Variants in DBF4B observed in about 807,000 individuals in gnomAD.
The protein encoded by DBF4B is DBF4B-CDC7 kinase regulatory subunit, also known as protein DBF4 homolog B.
In DBF4B, 49 loss-of-function variants were observed where a neutral mutation model predicts 53.4. That is an observed-to-expected ratio of 0.92 (90% CI 0.73 to 1.16). The LOEUF (loss-of-function observed/expected upper bound fraction) is 1.16, where lower values mean the gene tolerates loss of function less well. Ranked by LOEUF, DBF4B falls within the 50% of genes most tolerant of loss-of-function variation. DBF4B has a pLI of 0.00. For synonymous variants in DBF4B, 257 were observed against 288.7 expected (o/e 0.89, Z 1.11); for missense variants, 692 against 775.0 (o/e 0.89, Z 1.27).
At position 44,732,267 on chromosome 17, in the gene DBF4B, T is replaced by A. The variant is rs771479011; in HGVS notation, c.556+2T>A. 1.2e-6 allele frequency: 2 copies of A among 1,614,042 alleles called. No homozygotes were observed. The highest frequency in any genetic ancestry group is 1.1e-5 in the South Asian group (1 of 91,060). On this transcript the variant is annotated splice_donor_variant, in intron 6 of 13. Coordinates refer to ENST00000315005, the MANE Select transcript of DBF4B (RefSeq NM_145663.3). LOFTEE classifies it high-confidence loss of function. ...GAGTGAGGATTCTGCACGTGGATGG[T>A]ACCCTTTCTGTGCTGGGCTCCTGTG...
chr17:44,742,409 CA>C (rs1248602974), intron 10 of DBF4B, among the ~76,000 whole-genome samples: 1,062 of 52,096 alleles, frequency 0.02, 11 homozygotes, highest in African/African-American at 0.06. Context: ...GACTCCTTCT[CA>C]AAAAAAAAAA....
intron 1 of DBF4B, 117 bp from the exon 2 acceptor site, chr17:44,709,187 T>G: frequency 7.6e-7 from 1 of 1,324,378 alleles, no homozygotes. Flanking sequence ...GAGTTGAGTC[T>G]TGCTGTTCCC....
At chr17:44,714,509 T>C (rs1367751759) in intron 2 of DBF4B, among the ~76,000 whole-genome samples, 5 of 152,026 alleles carry the variant, frequency 3.3e-5, no homozygotes, top group African/African-American at 1.2e-4. Flanking sequence ...AAGTAAGAGG[T>C]ATCCTTCATT....
chr17:44,721,917 C>T (rs1224127133), intron 2 of DBF4B, among the ~76,000 whole-genome samples: 1 of 151,288 alleles, frequency 6.6e-6, no homozygotes, highest in East Asian at 1.9e-4. Context: ...AGCAGATCAC[C>T]TGAGGTCGGG....
rs755112550 is a variant in DBF4B, at chr17:44,731,014, A to G, written c.467A>G (p.Gln156Arg). 1.2e-5 allele frequency: 20 copies of G among 1,614,066 alleles called. No individual in the cohort carries two copies. In the Middle Eastern group the frequency reaches 9.9e-4, roughly 80 times the overall value. ...KELLQKAIRNQGSISGGGSGG... is the reference protein window; with the variant it reads ...KELLQKAIRNRGSISGGGSGG... ...CTGCTGCAGAAGGCTATCAGAAACC[A>G]GGTGAGCTGGGGCAAGATGGGACAG... Residue 156 changes from glutamine (Q) to arginine (R), a missense_variant and splice_region_variant, in exon 5 of 14, where the codon CAG (glutamine) becomes CGG (arginine). By Grantham distance (43) the Gln-to-Arg change is conservative. Coordinates refer to ENST00000315005, the MANE Select transcript of DBF4B (RefSeq NM_145663.3).
intron 10 of DBF4B, among the ~76,000 whole-genome samples, chr17:44,744,051 C>T (rs1303013977): frequency 5.1e-5 from 7 of 138,054 alleles, no homozygotes; most frequent in African/African-American, 8.2e-5. Context: ...GCCAGGAGTT[C>T]GAGACCAGCC....
intron 7 of DBF4B, among the ~76,000 whole-genome samples, chr17:44,734,836 G>T (rs1237303699): frequency 6.6e-6 from 1 of 152,236 alleles, no homozygotes; most frequent in Non-Finnish European, 1.5e-5. Flanking sequence ...GGGCATGGTG[G>T]CTCACACCTG....
At chr17:44,750,035 C>CCCCCTCTGGGA (rs2049239179) in intron 13 of DBF4B, 2 of 999,954 alleles carry the variant, frequency 2.0e-6, no homozygotes, top group African/African-American at 3.5e-5. Context: ...GTGGCCAGAG[C>CCCCCTCTGGGA]CCCCTCTGGG....
chr17:44,746,187 A>G (rs1976577416), intron 10 of DBF4B, among the ~76,000 whole-genome samples: 1 of 149,262 alleles, frequency 6.7e-6, no homozygotes, highest in Non-Finnish European at 1.5e-5. Context: ...AGCCGAAATC[A>G]TGCTGCTGCA....
intron 9 of DBF4B, among the ~76,000 whole-genome samples, chr17:44,740,285 C>T (rs955958817): frequency 1.3e-5 from 2 of 152,212 alleles, no homozygotes; most frequent in African/African-American, 4.8e-5. Context: ...TTACCCTGCT[C>T]CCTGAGAACC....
intron 10 of DBF4B, among the ~76,000 whole-genome samples, chr17:44,744,817 C>T (rs1248702152): frequency 6.6e-6 from 1 of 152,106 alleles, no homozygotes; most frequent in East Asian, 1.9e-4. Flanking sequence ...TTTTTTCTTA[C>T]TATGAATGAG....
chr17:44,738,342 A>T, intron 8 of DBF4B, 37 bp from the exon 9 acceptor site: 1 of 1,606,920 alleles, frequency 6.2e-7, no homozygotes. Flanking sequence ...GCACAGGGGC[A>T]GACAGATAGC....
chr17:44,726,397 G>T (rs1974347462), intron 3 of DBF4B, among the ~76,000 whole-genome samples: 1 of 151,108 alleles, frequency 6.6e-6, no homozygotes, highest in African/African-American at 2.4e-5. Flanking sequence ...GCAGGGCAAT[G>T]CTTATTTTTT....
chr17:44,731,276 C>G (rs146134107), intron 5 of DBF4B: 8 of 428,200 alleles, frequency 1.9e-5, no homozygotes, highest in Non-Finnish European at 3.5e-5. Context: ...TGGGATGTGG[C>G]GGGACAGGGT....
At position 44,750,773 on chromosome 17, in the gene DBF4B, G is replaced by C. The variant is rs371735388; in HGVS notation, c.1368G>C (p.Leu456=). 2.5e-6 allele frequency: 4 copies of C among 1,614,068 alleles called. No individual in the cohort carries two copies. The highest frequency in any genetic ancestry group is 3.4e-6 in the Non-Finnish European group (4 of 1,180,044). The change falls in exon 14 of 14, where the codon CTG becomes CTC. Residue 456 remains leucine (L), a synonymous_variant. Coordinates refer to ENST00000315005, the MANE Select transcript of DBF4B (RefSeq NM_145663.3). ...CAGCCTCCTTTACCCAGTCTCATCT[G>C]GTCACTTCCTTGGCTCTGCTGCCTG... ...PCPASFTQSH[L]VTSLALLPGE...
At chr17:44,713,976 A>G (rs1221084043) in intron 2 of DBF4B, among the ~76,000 whole-genome samples, 1 of 151,526 alleles carries the variant, frequency 6.6e-6, no homozygotes. Context: ...TTTTTACACC[A>G]TGGAATACTA....
intron 9 of DBF4B, among the ~76,000 whole-genome samples, chr17:44,741,106 G>C (rs1975973259): frequency 6.6e-6 from 1 of 152,046 alleles, no homozygotes; most frequent in Admixed American, 6.5e-5. Flanking sequence ...CTGCACTCCA[G>C]CCTGGGCGAC....
chr17:44,720,956 C>T (rs1973781019), intron 2 of DBF4B, among the ~76,000 whole-genome samples: 1 of 152,022 alleles, frequency 6.6e-6, no homozygotes, highest in Non-Finnish European at 1.5e-5. Flanking sequence ...ACCTCCACCT[C>T]CTGGGTTCAA....
intron 3 of DBF4B, among the ~76,000 whole-genome samples, chr17:44,725,116 C>CAAAAA (rs57821218): frequency 1.1e-4 from 5 of 47,546 alleles, no homozygotes; most frequent in Admixed American, 2.2e-4. Flanking sequence ...GACTCCATCT[C>CAAAAA]AAAAAAAAAA....
Sources: gnomAD v4.1 joint callset for allele counts (sites outside exome capture counted in the v4.1 genomes callset) on GRCh38, gnomAD v4.1.1 for gene constraint, MANE v1.5 for transcripts, NCBI Gene and HGNC (gene_info 2026-07-23, HGNC 2026-07-21) for gene names.